The following RCVRN variants were observed in gnomAD, a reference collection of about 807,000 sequenced individuals.
RCVRN encodes the protein cancer associated retinopathy antigen.
A neutral mutation model predicts 20.4 loss-of-function variants in RCVRN; 23 were observed. The observed-to-expected ratio is 1.13, with a 90% CI of 0.81 to 1.60. The LOEUF is 1.60. RCVRN is among the 40% of genes most tolerant of loss of function. RCVRN has a pLI of 0.00. For synonymous variants in RCVRN, 105 were observed against 105.9 expected, an observed-to-expected ratio of 0.99 and a Z score of 0.05; for missense variants, 254 against 254.2, an observed-to-expected ratio of 1.00 and a Z score of 0.00.
intron 1 of RCVRN, among the ~76,000 whole-genome samples, chr17:9,903,411 G>C (rs1347584777): frequency 6.6e-6 from 1 of 152,232 alleles, no homozygotes; most frequent in Non-Finnish European, 1.5e-5. Context: ...AAACTGTCAG[G>C]AGCCGGGGAG....
At chr17:9,901,139 T>A in intron 1 of RCVRN, 39 bp from the exon 2 acceptor site, 1 of 1,206,990 alleles carries the variant, frequency 8.3e-7, no homozygotes, top group Non-Finnish European at 1.2e-6. Flanking sequence ...TAGGAGGAAC[T>A]TTAAGGGGCT....
rs2067326520 is a variant in RCVRN at position 9,898,105 on chromosome 17, T to C, written c.593A>G (p.Lys198Arg). The C allele has an allele frequency of 6.2e-7, 1 of 1,612,804 alleles. No individual in the cohort carries two copies. The highest frequency in any genetic ancestry group is 1.1e-5 in the South Asian group (1 of 91,070). The change falls in exon 3 of 3, where the codon AAG becomes AGG. Residue 198 changes from lysine (K) to arginine (R), a missense_variant. By Grantham distance (26) the Lys-to-Arg change is conservative. Transcript: ENST00000226193. ...FEPQKVKEKMKNA is the reference protein window; with the variant it reads ...FEPQKVKEKMRNA ...GCTGAACAGTTGGCATCAGGCGTTC[T>C]TCATCTTTTCCTTCACTTTTTGAGG...
chr17:9,900,672 A>G (rs2067337481), intron 2 of RCVRN, among the ~76,000 whole-genome samples: 1 of 151,984 alleles, frequency 6.6e-6, no homozygotes, highest in Non-Finnish European at 1.5e-5. Flanking sequence ...GGTGTTTCTC[A>G]GAGGACCCAA....
Position 9,897,933 on chromosome 17 carries a change from A to G in RCVRN, c.*162T>C. The G allele has an allele frequency of 1.6e-6, 1 of 620,308 alleles. No individual in the cohort carries two copies. The highest frequency in any genetic ancestry group is 2.8e-5 in the East Asian group (1 of 36,166). 38.4% of individuals were successfully genotyped at this position (620,308 alleles called of 1,614,324 possible). On this transcript the variant is annotated 3_prime_UTR_variant, in exon 3 of 3. Coordinates refer to ENST00000226193, the MANE Select transcript of RCVRN (RefSeq NM_002903.3). ...CTACAGATGCTTCAGTTTGGCAGGG[A>G]GCTGTGCTGTGGGCTTGTGTGCAGG... is the stretch of plus-strand genomic sequence containing the variant.
In RCVRN at chr17:9,904,506, T is replaced by A. The variant is rs893033800; in HGVS notation, c.381+294A>T. On this transcript the variant is annotated intron_variant, in intron 1 of 2. Transcript: ENST00000226193. The surrounding 1 kb of genome is among the most constrained non-coding windows in gnomAD (Gnocchi z 5.8). ...ATTTTTCAGCTCCATTACAATCTTA[T>A]GGGACCACAGTGGTCTATATCGTCC... is the stretch of plus-strand genomic sequence containing the variant. 1.3e-5 allele frequency among the ~76,000 whole-genome samples: 2 copies of A among 152,232 alleles called. No individual in the cohort carries two copies. Among genetic ancestry groups the A allele is most frequent in the African/African-American group, 4.8e-5 (2 of 41,464 alleles).
At position 9,899,028 on chromosome 17, in the gene RCVRN, C is replaced by T. The variant is rs1051472506; in HGVS notation, c.494-824G>A. On this transcript the variant is annotated intron_variant, in intron 2 of 2. Coordinates refer to ENST00000226193, the MANE Select transcript of RCVRN (RefSeq NM_002903.3). The surrounding 1 kb of genome is among the most constrained non-coding windows in gnomAD (Gnocchi z 4.6). Reference sequence around the variant, plus strand: ...CCAAGGCCACCACAGGGAGCGGAGGCGGGGTGTACAATAGAAGAGAGTGAG... The same window carrying T: ...CCAAGGCCACCACAGGGAGCGGAGGTGGGGTGTACAATAGAAGAGAGTGAG... Among the ~76,000 whole-genome samples, 10 of 152,112 alleles carry T rather than the reference C, an allele frequency of 6.6e-5. No individual in the cohort carries two copies. The highest frequency in any genetic ancestry group is 8.8e-5 in the Non-Finnish European group (6 of 68,016).
At chr17:9,898,448 G>C (rs1597414363) in intron 2 of RCVRN, among the ~76,000 whole-genome samples, 1 of 152,218 alleles carries the variant, frequency 6.6e-6, no homozygotes, top group East Asian at 1.9e-4. Context: ...CTGGCACTGG[G>C]GGGGCCCCCA....
chr17:9,905,259 T>C lies in RCVRN; in HGVS notation c.-79A>G. 2 of 1,430,136 alleles carry C rather than the reference T, an allele frequency of 1.4e-6. No homozygotes were observed. Among genetic ancestry groups the C allele is most frequent in the Non-Finnish European group, 1.9e-6 (2 of 1,073,912 alleles). 88.6% of individuals were successfully genotyped at this position (1,430,136 alleles called of 1,614,324 possible). A position where few individuals can be genotyped will look rare whatever the true frequency, so the allele number is the denominator to read the frequency against. On this transcript the variant is annotated 5_prime_UTR_variant, in exon 1 of 3. Coordinates refer to ENST00000226193, the MANE Select transcript of RCVRN (RefSeq NM_002903.3). ...GTGGTCCCCTGGCCGCAGGCTGGGC[T>C]CAAGGCTGGTGTGAGCTGAAGACCG... is the stretch of plus-strand genomic sequence containing the variant.
Position 9,904,262 on chromosome 17 carries a change from A to G in RCVRN, c.381+538T>C, listed in dbSNP as rs985691867. Among the ~76,000 whole-genome samples the G allele has an allele frequency of 3.9e-5, 6 of 152,230 alleles. No homozygotes were observed. In the East Asian group the frequency reaches 1.2e-3, roughly 29 times the overall value. ...ATCTCAAAAAAATAAAAAATAAAAA[A>G]CCAAGATACAAAATGGTAGACCTGT... is the stretch of plus-strand genomic sequence containing the variant. On this transcript the variant is annotated intron_variant, in intron 1 of 2. Transcript: ENST00000226193. The surrounding 1 kb of genome is among the most constrained non-coding windows in gnomAD (Gnocchi z 5.8).
Position 9,899,013 on chromosome 17 carries a change from C to G in RCVRN, c.494-809G>C, listed in dbSNP as rs2067330639. Among the ~76,000 whole-genome samples, 1 of 152,176 alleles carries G rather than the reference C, an allele frequency of 6.6e-6. No individual in the cohort carries two copies. The highest frequency in any genetic ancestry group is 2.4e-5 in the African/African-American group (1 of 41,430). ...CCACTGTGCTTGGAGCCAAGGCCAC[C>G]ACAGGGAGCGGAGGCGGGGTGTACA... On this transcript the variant is annotated intron_variant, in intron 2 of 2. Transcript: ENST00000226193. The surrounding 1 kb of genome is among the most constrained non-coding windows in gnomAD (Gnocchi z 4.6).
rs2067325857 is a variant in RCVRN at position 9,898,025 on chromosome 17, T to C, written c.*70A>G. 4.3e-6 allele frequency: 4 copies of C among 923,982 alleles called. No homozygotes were observed. The Admixed American group carries it at 6.8e-5, about 16-fold the overall frequency. The allele number at this position is 923,982 out of a possible 1,614,324, so 57.2% of individuals were successfully genotyped here. On this transcript the variant is annotated 3_prime_UTR_variant, in exon 3 of 3. Coordinates refer to ENST00000226193, the MANE Select transcript of RCVRN (RefSeq NM_002903.3). ...GCGCGCGCGTGTGTGTGCATGTGTGTGTGTGTGCACAGGCGCTCACGGGTG... is the reference window on the plus strand; with the variant it reads ...GCGCGCGCGTGTGTGTGCATGTGTGCGTGTGTGCACAGGCGCTCACGGGTG...
rs184157232 is a variant in RCVRN at position 9,902,871 on chromosome 17, C to T, written c.382-1771G>A. ...AATTAGCTGGGCAGGTGCCTGTAAT[C>T]CCAGCTACTCGTGAGGCTGAGGCAG... On this transcript the variant is annotated intron_variant, in intron 1 of 2. Coordinates refer to ENST00000226193, the MANE Select transcript of RCVRN (RefSeq NM_002903.3). Among the ~76,000 whole-genome samples, 7 of 152,298 alleles carry T rather than the reference C, an allele frequency of 4.6e-5. No homozygotes were observed. In the East Asian group the frequency reaches 1.4e-3, roughly 29 times the overall value.
rs560834849 is a variant in RCVRN at position 9,897,065 on chromosome 17, C to G, written c.*1030G>C. 12 of 152,310 alleles carry G rather than the reference C, an allele frequency of 7.9e-5. No individual in the cohort carries two copies. Among genetic ancestry groups the G allele is most frequent in the African/African-American group, 2.6e-4 (11 of 41,520 alleles). The allele number at this position is 152,310 out of a possible 1,614,324, so 9.4% of individuals were successfully genotyped here. ...CATCGGGCTCCCTGACTCCAGGGAG[C>G]CCCCAGTTGCTCCTCTCTGACTTAT... is the stretch of plus-strand genomic sequence containing the variant. On this transcript the variant is annotated 3_prime_UTR_variant, in exon 3 of 3. Coordinates refer to ENST00000226193, the MANE Select transcript of RCVRN (RefSeq NM_002903.3).
intron 1 of RCVRN, among the ~76,000 whole-genome samples, chr17:9,901,359 C>A (rs1407905472): frequency 7.8e-6 from 1 of 127,606 alleles, no homozygotes; most frequent in Non-Finnish European, 1.9e-5. Context: ...GATAGCATCA[C>A]ACTAAAGAGC....
In RCVRN at chr17:9,905,022, G is replaced by T; in HGVS notation, c.159C>A (p.Tyr53Ter). 1 of 1,614,022 alleles carries T rather than the reference G, an allele frequency of 6.2e-7. No homozygotes were observed. The highest frequency in any genetic ancestry group is 2.2e-5 in the East Asian group (1 of 44,856). ...GGTCGGTGTCGGGGAAGAACTTGGC[G>T]TAGATGCTCTGGAACTGCTGCTGGG... is the stretch of plus-strand genomic sequence containing the variant. ...RITQQQFQSI[Y>*]AKFFPDTDPK... Residue 53 changes from tyrosine (Y) to a stop codon, truncating the protein, a stop_gained, in exon 1 of 3, where the codon TAC becomes TAA. Transcript: ENST00000226193. LOFTEE classifies it high-confidence loss of function.
At chr17:9,900,327 A>G (rs2067335781) in intron 2 of RCVRN, among the ~76,000 whole-genome samples, 1 of 152,162 alleles carries the variant, frequency 6.6e-6, no homozygotes, top group Non-Finnish European at 1.5e-5. Flanking sequence ...CCTACAGTGC[A>G]GGATCACACT....
intron 1 of RCVRN, among the ~76,000 whole-genome samples, chr17:9,902,986 T>C (rs543999201): frequency 7.7e-4 from 91 of 118,186 alleles, no homozygotes; most frequent in Non-Finnish European, 1.3e-3. Context: ...CAAAACTCTG[T>C]CTGAAGAAAA....
At position 9,899,750 on chromosome 17, in the gene RCVRN, G is replaced by A. The variant is rs188733200; in HGVS notation, c.493+1239C>T. On this transcript the variant is annotated intron_variant, in intron 2 of 2. Transcript: ENST00000226193. This position sits in a 1 kb window ranked among gnomAD's most constrained non-coding sequence, Gnocchi z 4.6. ...TTTCAGGTCCTGTGAGTGCATTGTT[G>A]ACCCCTGAGAACGAGCGCCTCCTTA... is the stretch of plus-strand genomic sequence containing the variant. Among the ~76,000 whole-genome samples, 3 of 152,268 alleles carry A rather than the reference G, an allele frequency of 2.0e-5. No homozygotes were observed.
chr17:9,900,933 T>C (rs2067338670), intron 2 of RCVRN, 56 bp downstream of exon 2: 2 of 1,070,162 alleles, frequency 1.9e-6, no homozygotes. Flanking sequence ...TGTTGGGATT[T>C]CCAGGAAACA....
Sources: gnomAD v4.1 joint callset for allele counts (sites outside exome capture counted in the v4.1 genomes callset) on GRCh38, gnomAD v4.1.1 for gene constraint, Gnocchi (gnomAD v3.1) non-coding constraint, MANE v1.5 for transcripts, NCBI Gene and HGNC (gene_info 2026-07-23, HGNC 2026-07-21) for gene names.